The following SEMA3A variants were observed in gnomAD, a reference collection of about 807,000 sequenced individuals.
The protein encoded by SEMA3A is semaphorin-3A.
In SEMA3A, 29 loss-of-function variants were observed where a neutral mutation model predicts 97.9. The observed-to-expected ratio is 0.30, with a 90% CI of 0.22 to 0.40. The LOEUF is 0.40. SEMA3A is among the 10% of genes least tolerant of loss of function. The pLI is 1.00. For synonymous variants in SEMA3A, 321 were observed against 323.7 expected (o/e 0.99, Z 0.09); for missense variants, 763 against 951.3 (o/e 0.80, Z 2.60).
chr7:84,072,394 G>C (rs1793772679), intron 4 of SEMA3A, among the ~76,000 whole-genome samples: 3 of 151,970 alleles, frequency 2.0e-5, no homozygotes, highest in Admixed American at 2.0e-4. Flanking sequence ...CATCATTCCA[G>C]TTGTTTTTTT....
chr7:83,967,133 C>A (rs9656560), intron 15 of SEMA3A, among the ~76,000 whole-genome samples: 1 of 152,040 alleles, frequency 6.6e-6, no homozygotes, highest in Non-Finnish European at 1.5e-5. Flanking sequence ...AGCCAAGCAC[C>A]CATCTATTTG....
intron 6 of SEMA3A, among the ~76,000 whole-genome samples, chr7:84,035,305 C>A (rs1445539250): frequency 6.6e-6 from 1 of 151,734 alleles, no homozygotes; most frequent in Non-Finnish European, 1.5e-5. Context: ...ATAGTAAAAA[C>A]CAAAGAAATT....
chr7:84,418,573 G>T (rs897234149), intron 1 of SEMA3A, among the ~76,000 whole-genome samples: 1 of 152,054 alleles, frequency 6.6e-6, no homozygotes, highest in African/African-American at 2.4e-5. Context: ...AAACAAAGGA[G>T]GCTGAAGAAG....
intron 5 of SEMA3A, among the ~76,000 whole-genome samples, chr7:84,050,018 T>C (rs956421833): frequency 2.0e-5 from 3 of 151,436 alleles, no homozygotes; most frequent in Non-Finnish European, 4.4e-5. Context: ...TCCAGTTTCA[T>C]CCATGTCCCT....
intron 4 of SEMA3A, among the ~76,000 whole-genome samples, chr7:84,103,726 G>C (rs969580700): frequency 6.6e-6 from 1 of 151,500 alleles, no homozygotes; most frequent in African/African-American, 2.4e-5. Flanking sequence ...GAGACAAAGA[G>C]GTAAAAAATG....
intron 1 of SEMA3A, among the ~76,000 whole-genome samples, chr7:84,468,277 T>C (rs963810163): frequency 2.6e-5 from 4 of 152,302 alleles, no homozygotes; most frequent in Admixed American, 2.6e-4. Context: ...AATGCCAGTA[T>C]GCAGAGCCCT....
chr7:84,467,569 G>A (rs2527541), intron 1 of SEMA3A, among the ~76,000 whole-genome samples: 1 of 149,002 alleles, frequency 6.7e-6, no homozygotes, highest in African/African-American at 2.5e-5. Context: ...CCAGGCACTG[G>A]ACTTTTGTCC....
At chr7:84,294,816 C>T (rs1165482006) in intron 3 of SEMA3A, among the ~76,000 whole-genome samples, 1 of 151,964 alleles carries the variant, frequency 6.6e-6, no homozygotes, top group Admixed American at 6.6e-5. Flanking sequence ...ACGTGTCCCC[C>T]CACAGAAAGT....
At chr7:84,269,840 A>G (rs1390424435) in intron 3 of SEMA3A, among the ~76,000 whole-genome samples, 1 of 152,034 alleles carries the variant, frequency 6.6e-6, no homozygotes, top group Non-Finnish European at 1.5e-5. Context: ...TGGCATATGT[A>G]TTTTTTTACC....
chr7:84,064,654 AG>A (rs1431512503), intron 4 of SEMA3A, among the ~76,000 whole-genome samples: 2 of 151,280 alleles, frequency 1.3e-5, no homozygotes, highest in Non-Finnish European at 2.9e-5. Context: ...AAACCAACAA[AG>A]ATCAAAAGAG....
At chr7:84,065,518 G>A (rs368048597) in intron 4 of SEMA3A, among the ~76,000 whole-genome samples, 25 of 149,536 alleles carry the variant, frequency 1.7e-4, no homozygotes, top group Non-Finnish European at 2.7e-4. Flanking sequence ...TTGATAGACC[G>A]CTAGCAAGAC....
At chr7:84,100,208 C>A (rs775385102) in intron 4 of SEMA3A, among the ~76,000 whole-genome samples, 3 of 152,066 alleles carry the variant, frequency 2.0e-5, no homozygotes, top group Non-Finnish European at 4.4e-5. Context: ...TATTTACACT[C>A]ATCACTTTGT....
At chr7:84,210,164 G>A (rs1449640884) in intron 3 of SEMA3A, among the ~76,000 whole-genome samples, 1 of 151,676 alleles carries the variant, frequency 6.6e-6, no homozygotes, top group Non-Finnish European at 1.5e-5. Context: ...TATTTTTTTT[G>A]TGGGGAAGAA....
intron 1 of SEMA3A, among the ~76,000 whole-genome samples, chr7:84,166,830 G>A (rs1797225129): frequency 7.2e-6 from 1 of 139,478 alleles, no homozygotes; most frequent in South Asian, 2.3e-4. Flanking sequence ...AGCCGAGATT[G>A]CACCACTGCA....
chr7:84,453,775 CT>C (rs1562953132), intron 1 of SEMA3A, among the ~76,000 whole-genome samples: 1 of 152,062 alleles, frequency 6.6e-6, no homozygotes, highest in Non-Finnish European at 1.5e-5. Context: ...GCAAAAAAAA[CT>C]TGTGTAAAAT....
chr7:84,452,073 T>G (rs1472692662), intron 1 of SEMA3A, among the ~76,000 whole-genome samples: 1 of 152,216 alleles, frequency 6.6e-6, no homozygotes, highest in Non-Finnish European at 1.5e-5. Flanking sequence ...TGCTTGTTAC[T>G]TATTTAAATA....
chr7:84,384,428 C>T lies in SEMA3A; in HGVS notation c.-245-12528G>A, dbSNP rs975658770. 9.2e-5 allele frequency among the ~76,000 whole-genome samples: 14 copies of T among 152,162 alleles called. No individual in the cohort carries two copies. The East Asian group carries it at 2.3e-3, about 25-fold the overall frequency. ...ACAAATTTTTCATTCTGACAGAAAGCAGAATTGTCTAACCATAATTTCCAT... is the reference window on the plus strand; with the variant it reads ...ACAAATTTTTCATTCTGACAGAAAGTAGAATTGTCTAACCATAATTTCCAT... On this transcript the variant is annotated intron_variant, in intron 1 of 3. Coordinates refer to the SEMA3A transcript ENST00000424555.
intron 1 of SEMA3A, among the ~76,000 whole-genome samples, chr7:84,380,282 C>T (rs747868833): frequency 2.9e-4 from 44 of 152,214 alleles, no homozygotes; most frequent in Middle Eastern, 6.8e-3. Flanking sequence ...TGTACATTGT[C>T]CCAGGTGTAC....
chr7:84,201,224 G>A (rs958211241), intron 3 of SEMA3A, among the ~76,000 whole-genome samples: 2 of 152,032 alleles, frequency 1.3e-5, no homozygotes, highest in Admixed American at 6.6e-5. Flanking sequence ...CCTAGGAAGA[G>A]GACTTTTTTC....
Sources: gnomAD v4.1 joint callset for allele counts (sites outside exome capture counted in the v4.1 genomes callset) on GRCh38, gnomAD v4.1.1 for gene constraint, MANE v1.5 for transcripts, NCBI Gene and HGNC (gene_info 2026-07-23, HGNC 2026-07-21) for gene names.